YARS1: variants seen among roughly 807,000 people sequenced by gnomAD.
The protein encoded by YARS1 is tyrosyl-tRNA synthetase 1, also known as tyrosine--tRNA ligase, cytoplasmic.
In YARS1, 36 loss-of-function variants were observed where a neutral mutation model predicts 62.2. The ratio of observed to expected loss-of-function variants is 0.58; its 90% CI spans 0.44 to 0.76. The LOEUF (loss-of-function observed/expected upper bound fraction) is 0.76, where lower values mean the gene tolerates loss of function less well. Among genes scored for constraint, YARS1 ranks in the 30% least tolerant of loss-of-function variants. The probability of loss-of-function intolerance (pLI) is 0.00; values close to 1 mark genes in which losing one functional copy is unlikely to be tolerated. For synonymous variants in YARS1, 234 were observed against 244.9 expected (o/e 0.96, Z 0.42); for missense variants, 524 against 639.8 (o/e 0.82, Z 1.95).
At position 32,776,078 on chromosome 1, in the gene YARS1, A is replaced by G. The variant is rs1438713337; in HGVS notation, c.1490T>C (p.Ile497Thr). ...VFEKLQADFKISEECIAQWKQ... is the reference protein window; with the variant it reads ...VFEKLQADFKTSEECIAQWKQ... ...CCACTGTGCGATGCACTCCTCAGAA[A>G]TTTTGAAGTCAGCCTGGACAAGACA... Residue 497 changes from isoleucine (I) to threonine (T), a missense_variant, in exon 13 of 13, where the codon ATT (isoleucine) becomes ACT (threonine). By Grantham distance (89) the Ile-to-Thr change is moderately conservative. Coordinates refer to ENST00000373477, the MANE Select transcript of YARS1 (RefSeq NM_003680.4). This position sits in a 1 kb window ranked among gnomAD's most constrained non-coding sequence, Gnocchi z 4.0. The G allele has an allele frequency of 1.9e-6, 3 of 1,613,806 alleles. No individual in the cohort carries two copies. Among genetic ancestry groups the G allele is most frequent in the African/African-American group, 1.3e-5 (1 of 74,904 alleles).
At chr1:32,782,562 G>C (rs776303080) in intron 8 of YARS1, 23 bp from the exon 9 acceptor site, 1 of 1,613,970 alleles carries the variant, frequency 6.2e-7, no homozygotes, top group Admixed American at 1.7e-5. Flanking sequence ...ACAAGACCTA[G>C]TGAGATAAAG....
intron 8 of YARS1, among the ~76,000 whole-genome samples, chr1:32,785,897 T>C (rs4951783): frequency 2.6e-4 from 18 of 67,990 alleles, no homozygotes; most frequent in East Asian, 5.7e-4. Flanking sequence ...TTTCTTTTTT[T>C]TTTTTTTTTT....
intron 10 of YARS1, chr1:32,780,593 C>A: frequency 2.2e-6 from 1 of 455,286 alleles, no homozygotes; most frequent in Non-Finnish European, 4.0e-6. Flanking sequence ...TTGGGGTACA[C>A]AGTGAGAAGC....
At chr1:32,785,836 G>A (rs1211770211) in intron 8 of YARS1, among the ~76,000 whole-genome samples, 2 of 151,536 alleles carry the variant, frequency 1.3e-5, no homozygotes, top group African/African-American at 2.4e-5. Flanking sequence ...CACCCACCTC[G>A]GCCTCCCAAA....
In YARS1 at chr1:32,775,833, T is replaced by G. The variant is rs1047728933; in HGVS notation, c.*148A>C. ...ATCCTGGGTTCTGGGGAGGGTAAGC[T>G]GCCCCTTGCCGAGTTCTGCACCGAA... On this transcript the variant is annotated 3_prime_UTR_variant, in exon 13 of 13. Coordinates refer to ENST00000373477, the MANE Select transcript of YARS1 (RefSeq NM_003680.4). 1.4e-6 allele frequency: 1 copy of G among 735,756 alleles called. No individual in the cohort carries two copies. The highest frequency in any genetic ancestry group is 3.8e-4 in the Middle Eastern group (1 of 2,664). The allele number at this position is 735,756 out of a possible 1,614,324, so 45.6% of individuals were successfully genotyped here.
chr1:32,781,294 G>A, intron 9 of YARS1, 149 bp from the exon 10 acceptor site: 1 of 712,322 alleles, frequency 1.4e-6, no homozygotes, highest in Middle Eastern at 2.3e-4. Flanking sequence ...TTAATACTGG[G>A]TTGGCAACCT....
chr1:32,805,948 C>A (rs545301698), intron 4 of YARS1, among the ~76,000 whole-genome samples: 2 of 152,074 alleles, frequency 1.3e-5, no homozygotes, highest in African/African-American at 2.4e-5. Context: ...GGCGACACAG[C>A]GAGATTCCGT....
chr1:32,811,149 T>C lies in YARS1; in HGVS notation c.58-92A>G, dbSNP rs187211589. ...CAAGGAAAACAACAGCATGTGTCAG[T>C]GGAGATCCAGGCTCAGAGCCATCAA... On this transcript the variant is annotated intron_variant, in intron 1 of 12. Coordinates refer to ENST00000373477, the MANE Select transcript of YARS1 (RefSeq NM_003680.4). The C allele has an allele frequency of 3.1e-6, 5 of 1,587,514 alleles. No individual in the cohort carries two copies. In the East Asian group the frequency reaches 6.7e-5, roughly 21 times the overall value.
At chr1:32,803,286 C>CT (rs60704395) in intron 4 of YARS1, among the ~76,000 whole-genome samples, 6,263 of 134,940 alleles carry the variant, frequency 0.046, 389 homozygotes, top group African/African-American at 0.14. Context: ...CCTAATTCTT[C>CT]TTTTTTTTTT....
chr1:32,790,532 AAAAAAAG>A (rs1378948619), intron 6 of YARS1: 1 of 152,014 alleles, frequency 6.6e-6, no homozygotes, highest in East Asian at 1.9e-4. Flanking sequence ...AAAAAAAAAA[AAAAAAAG>A]GGAGAGAGAA....
chr1:32,789,194 C>G (rs1428460663), intron 6 of YARS1, among the ~76,000 whole-genome samples: 1 of 152,176 alleles, frequency 6.6e-6, no homozygotes, highest in Non-Finnish European at 1.5e-5. Context: ...AAACTCCAAA[C>G]TGTTAGATTC....
At chr1:32,803,461 AT>A in intron 4 of YARS1, among the ~76,000 whole-genome samples, 1 of 152,156 alleles carries the variant, frequency 6.6e-6, no homozygotes, top group East Asian at 1.9e-4. Context: ...AGGCACTAGG[AT>A]TTTTGGAATG....
chr1:32,782,089 G>A (rs1258931597), intron 9 of YARS1: 1 of 375,790 alleles, frequency 2.7e-6, no homozygotes, highest in East Asian at 6.1e-5. Context: ...ACAGGTGTGA[G>A]CCACTGTGTC....
At chr1:32,782,667 G>A (rs1653099209) in intron 8 of YARS1, 128 bp from the exon 9 acceptor site, 1 of 1,315,702 alleles carries the variant, frequency 7.6e-7, no homozygotes, top group African/African-American at 1.4e-5. Context: ...AATCTTGTGA[G>A]GCAGGTAGGA....
At chr1:32,779,985 C>G in intron 11 of YARS1, 100 bp downstream of exon 11, 2 of 1,449,952 alleles carry the variant, frequency 1.4e-6, no homozygotes, top group Non-Finnish European at 9.7e-7. Flanking sequence ...CACGTGTTCT[C>G]AGAGCTTCCA....
At position 32,792,174 on chromosome 1, in the gene YARS1, C is replaced by G. The variant is rs2148606955; in HGVS notation, c.592-920G>C. Among the ~76,000 whole-genome samples the G allele has an allele frequency of 2.0e-5, 3 of 152,174 alleles. 1 individual carries two copies. The South Asian group carries it at 6.2e-4, about 32-fold the overall frequency. On this transcript the variant is annotated intron_variant, in intron 5 of 12. Coordinates refer to ENST00000373477, the MANE Select transcript of YARS1 (RefSeq NM_003680.4). ...CTGGGCAGAGATTTTGGAGGCTGCA[C>G]AGTATTGGGGAGACAGAGATGGAAG...
At chr1:32,783,761 A>G (rs1653133809) in intron 8 of YARS1, 1 of 152,200 alleles carries the variant, frequency 6.6e-6, no homozygotes, top group African/African-American at 2.4e-5. Context: ...TTTAATTTTA[A>G]TAAAAGCTCT....
chr1:32,785,502 A>G (rs1393811638), intron 8 of YARS1, among the ~76,000 whole-genome samples: 2 of 151,832 alleles, frequency 1.3e-5, no homozygotes, highest in Non-Finnish European at 2.9e-5. Flanking sequence ...CCTGTAGCAT[A>G]TAACTACAAA....
chr1:32,793,422 C>T (rs771242495), intron 5 of YARS1, among the ~76,000 whole-genome samples: 19 of 152,126 alleles, frequency 1.2e-4, no homozygotes, highest in Non-Finnish European at 2.4e-4. Context: ...GCAGGCAAAG[C>T]GTTTGAGCTC....
Sources: gnomAD v4.1 joint callset for allele counts (sites outside exome capture counted in the v4.1 genomes callset) on GRCh38, gnomAD v4.1.1 for gene constraint, Gnocchi (gnomAD v3.1) non-coding constraint, MANE v1.5 for transcripts, NCBI Gene and HGNC (gene_info 2026-07-23, HGNC 2026-07-21) for gene names.